KCNT1: variants seen among roughly 807,000 people sequenced by gnomAD.
KCNT1 encodes potassium channel subfamily T member 1.
KCNT1 carries 78 observed loss-of-function variants against 147.8 expected under a neutral mutation model. The ratio of observed to expected loss-of-function variants is 0.53; its 90% CI spans 0.44 to 0.64. The LOEUF (loss-of-function observed/expected upper bound fraction) is 0.64. Ranked by LOEUF, KCNT1 falls within the 30% of genes least tolerant of loss-of-function variation. The pLI is 0.00. For missense variants in KCNT1, 1,419 were observed against 1,750.3 expected (o/e 0.81, Z 3.38); for synonymous variants, 867 against 748.8 (o/e 1.16, Z -2.58).
At chr9:135,784,165 G>A (rs1286337247) in intron 25 of KCNT1, 40 bp downstream of exon 25, 1 of 1,495,296 alleles carries the variant, frequency 6.7e-7, no homozygotes, top group East Asian at 2.3e-5. Context: ...GCGCCTGGGT[G>A]GGACCCCCGT....
At chr9:135,774,521 G>C in intron 19 of KCNT1, among the ~76,000 whole-genome samples, 1 of 150,624 alleles carries the variant, frequency 6.6e-6, no homozygotes, top group East Asian at 2.0e-4. Flanking sequence ...TTGTGTGTCT[G>C]TGTGTGCTGT....
chr9:135,768,497 C>T, intron 13 of KCNT1, 113 bp from the exon 14 acceptor site: 1 of 730,810 alleles, frequency 1.4e-6, no homozygotes, highest in Non-Finnish European at 2.3e-6. Flanking sequence ...TTTCTGTGCA[C>T]CTGCTGCACC....
At chr9:135,770,135 G>C (rs1351019162) in intron 16 of KCNT1, 80 bp downstream of exon 16, 1 of 1,408,876 alleles carries the variant, frequency 7.1e-7, no homozygotes, top group South Asian at 1.3e-5. Flanking sequence ...GCTTGGGGGC[G>C]GGGATGGGCT....
intron 1 of KCNT1, among the ~76,000 whole-genome samples, chr9:135,709,300 CACAGA>C (rs1220849719): frequency 1.3e-5 from 2 of 152,212 alleles, no homozygotes; most frequent in Non-Finnish European, 2.9e-5. Context: ...CCTGTGCCTT[CACAGA>C]GCAGTCTTGG....
chr9:135,723,722 C>T (rs950035263), intron 2 of KCNT1, among the ~76,000 whole-genome samples: 1 of 152,206 alleles, frequency 6.6e-6, no homozygotes, highest in African/African-American at 2.4e-5. Flanking sequence ...TGCCGTGTCC[C>T]AGGGACCTTG....
intron 11 of KCNT1, among the ~76,000 whole-genome samples, chr9:135,761,428 A>G (rs762895377): frequency 6.6e-6 from 1 of 152,180 alleles, no homozygotes; most frequent in African/African-American, 2.4e-5. Flanking sequence ...GGTGGGAGTG[A>G]GGCCAGGAGC....
At chr9:135,751,968 T>C (rs1454492830) in intron 4 of KCNT1, 3 of 194,438 alleles carry the variant, frequency 1.5e-5, no homozygotes, top group African/African-American at 2.4e-5. Flanking sequence ...GTGTCTCCAG[T>C]CCTTTCCTGT....
chr9:135,777,515 G>T lies in KCNT1; in HGVS notation c.2522+5G>T. On this transcript the variant is annotated splice_donor_5th_base_variant and intron_variant, in intron 21 of 30. Coordinates refer to ENST00000371757, the MANE Select transcript of KCNT1 (RefSeq NM_020822.3). ...CGTGCTGCTGCTGGACAACAAGTGAGGCTCCTGGGGCTCAGCCCACCCCGC... is the reference window on the plus strand; with the variant it reads ...CGTGCTGCTGCTGGACAACAAGTGATGCTCCTGGGGCTCAGCCCACCCCGC... 6.2e-7 allele frequency: 1 copy of T among 1,611,372 alleles called. No homozygotes were observed.
chr9:135,747,436 AC>A (rs1830891064), intron 2 of KCNT1, among the ~76,000 whole-genome samples: 2 of 151,138 alleles, frequency 1.3e-5, no homozygotes, highest in African/African-American at 4.9e-5. Context: ...GCCTTGGGAG[AC>A]CCTGGGCTCA....
chr9:135,732,017 GAGAGAGA>G (rs1836489272), intron 2 of KCNT1, among the ~76,000 whole-genome samples: 2 of 127,642 alleles, frequency 1.6e-5, no homozygotes, highest in Non-Finnish European at 3.3e-5. Flanking sequence ...GAGAGAGAGA[GAGAGAGA>G]GAGAGAGAGA....
In KCNT1 at chr9:135,726,567, A is replaced by G. The variant is rs148724823; in HGVS notation, c.254+11847A>G. 3.9e-3 allele frequency among the ~76,000 whole-genome samples: 599 copies of G among 152,008 alleles called. 3 individuals carry two copies. Among genetic ancestry groups the G allele is most frequent in the African/African-American group, 0.013 (558 of 41,450 alleles). On this transcript the variant is annotated intron_variant, in intron 2 of 30. Coordinates refer to ENST00000371757, the MANE Select transcript of KCNT1 (RefSeq NM_020822.3). ...CCAGGTAAGCCAAGTTCTGCTACGG[A>G]CGGGGCCCCTTGGAGACCCAGATCA...
chr9:135,784,687 C>T, intron 26 of KCNT1, 69 bp downstream of exon 26: 2 of 1,608,614 alleles, frequency 1.2e-6, no homozygotes, highest in Non-Finnish European at 1.7e-6. Flanking sequence ...GGGCACCTGC[C>T]CCTGATTCAC....
In KCNT1 at chr9:135,753,969, A is replaced by T; in HGVS notation, c.467A>T (p.Asn156Ile). 2 of 1,614,092 alleles carry T rather than the reference A, an allele frequency of 1.2e-6. No individual in the cohort carries two copies. The highest frequency in any genetic ancestry group is 2.7e-5 in the African/African-American group (2 of 75,048). The change falls in exon 5 of 31, where the codon AAT (asparagine) becomes ATT (isoleucine). Residue 156 changes from asparagine (N) to isoleucine (I), a missense_variant. Physicochemically the swap from Asn to Ile is moderately radical, Grantham distance 149 (BLOSUM62 -3). Transcript: ENST00000371757. ...WGCPKQNYSFNDSSSEINWAP... is the reference protein window; with the variant it reads ...WGCPKQNYSFIDSSSEINWAP... ...TGCCCAAAGCAGAACTACTCCTTCA[A>T]TGACTCGTCCTCCGAGATCAACTGG...
At chr9:135,761,195 T>C (rs1831891194) in intron 11 of KCNT1, among the ~76,000 whole-genome samples, 12 of 152,222 alleles carry the variant, frequency 7.9e-5, no homozygotes, top group Admixed American at 7.9e-4. Flanking sequence ...TCTGTTTTCC[T>C]GTCTTTACTG....
intron 25 of KCNT1, 147 bp downstream of exon 25, chr9:135,784,272 C>A: frequency 1.4e-6 from 1 of 717,924 alleles, no homozygotes; most frequent in Non-Finnish European, 2.3e-6. Context: ...GGGCCCTGTC[C>A]TTGCCCCAGG....
rs1383080250 is a variant in KCNT1 at position 135,794,336 on chromosome 9, G to T, written c.*2175G>T. ...GGGGTGAGCGGAGCCCCCCAAAGAGGGCTGAAGGCTTGCTGCCCAAGAGGG... is the reference window on the plus strand; with the variant it reads ...GGGGTGAGCGGAGCCCCCCAAAGAGTGCTGAAGGCTTGCTGCCCAAGAGGG... On this transcript the variant is annotated 3_prime_UTR_variant, in exon 31 of 31. Coordinates refer to ENST00000371757, the MANE Select transcript of KCNT1 (RefSeq NM_020822.3). The T allele has an allele frequency of 6.6e-6, 1 of 152,398 alleles. No homozygotes were observed. 9.4% of individuals were successfully genotyped at this position (152,398 alleles called of 1,614,324 possible).
chr9:135,725,631 C>A (rs190553286), intron 2 of KCNT1, among the ~76,000 whole-genome samples: 1 of 152,228 alleles, frequency 6.6e-6, no homozygotes, highest in Non-Finnish European at 1.5e-5. Context: ...CCCCAGGACA[C>A]CCATGCACAA....
chr9:135,784,771 C>G lies in KCNT1; in HGVS notation c.3038C>G (p.Thr1013Ser). 6.2e-7 allele frequency: 1 copy of G among 1,612,632 alleles called. No homozygotes were observed. Among genetic ancestry groups the G allele is most frequent in the Middle Eastern group, 1.7e-4 (1 of 6,058 alleles). ...GTTCCCACCCTGCAGATGAAAATCA[C>G]CGAGGGCGACCTGTGGATCCGCACG... ...GSGYLCAMKI[T>S]EGDLWIRTYG... Residue 1013 changes from threonine to serine, a missense_variant, in exon 27 of 31, where the codon ACC becomes AGC. This residue lies in a region of KCNT1 where 247 missense variants were observed against 397.1 expected (regional missense o/e 0.62). Transcript: ENST00000371757.
intron 1 of KCNT1, among the ~76,000 whole-genome samples, chr9:135,709,477 C>G (rs1835391904): frequency 6.6e-6 from 1 of 152,130 alleles, no homozygotes. Flanking sequence ...CCCACGATTC[C>G]ATCATAATTA....
Sources: allele counts gnomAD v4.1 joint callset (sites outside exome capture counted in the v4.1 genomes callset), GRCh38; gene constraint gnomAD v4.1.1; regional missense constraint gnomAD v4.1.1; transcripts MANE v1.5; gene names NCBI Gene and HGNC (gene_info 2026-07-23, HGNC 2026-07-21).